Variants in CPNE8 observed in about 807,000 individuals in gnomAD.
CPNE8 encodes the protein copine 8, also known as copine-8.
CPNE8 carries 45 observed loss-of-function variants against 81.5 expected under a neutral mutation model. That is an observed-to-expected ratio of 0.55 (90% CI 0.44 to 0.71). CPNE8 has a LOEUF of 0.71. Among genes scored for constraint, CPNE8 ranks in the 30% least tolerant of loss-of-function variants. The pLI is 0.00. For missense variants in CPNE8, 594 were observed against 672.1 expected (o/e 0.88, Z 1.28); for synonymous variants, 252 against 226.3 (o/e 1.11, Z -1.02).
chr12:38,865,815 C>T (rs2137090274), intron 3 of CPNE8, among the ~76,000 whole-genome samples: 1 of 152,252 alleles, frequency 6.6e-6, no homozygotes, highest in South Asian at 2.1e-4. Flanking sequence ...TCTGGATTTG[C>T]TTTTCAGCTA....
chr12:38,862,884 G>A (rs1353217116), intron 3 of CPNE8, among the ~76,000 whole-genome samples: 2 of 152,144 alleles, frequency 1.3e-5, no homozygotes, highest in East Asian at 1.9e-4. Context: ...AGGAGATGGA[G>A]GCTGCAGTGA....
intron 6 of CPNE8, among the ~76,000 whole-genome samples, chr12:38,789,586 T>C (rs915444154): frequency 6.6e-6 from 1 of 151,418 alleles, no homozygotes; most frequent in African/African-American, 2.4e-5. Context: ...AAAGAAAAAA[T>C]GGACAAATCA....
At chr12:38,670,929 T>A in intron 18 of CPNE8, 127 bp from the exon 19 acceptor site, 1 of 583,712 alleles carries the variant, frequency 1.7e-6, no homozygotes, top group Non-Finnish European at 3.0e-6. Flanking sequence ...AGCATGTTGA[T>A]CCCTTCATGT....
intron 10 of CPNE8, among the ~76,000 whole-genome samples, chr12:38,744,299 T>C (rs924299530): frequency 6.6e-6 from 1 of 152,198 alleles, no homozygotes; most frequent in African/African-American, 2.4e-5. Context: ...CGAATTCCAG[T>C]ATTGTCTGGA....
intron 11 of CPNE8, 66 bp from the exon 12 acceptor site, chr12:38,724,965 TA>T (rs1940660257): frequency 7.4e-7 from 1 of 1,348,414 alleles, no homozygotes; most frequent in South Asian, 1.3e-5. Context: ...ATTGAATTTT[TA>T]AAAATGTGAA....
At chr12:38,894,299 A>G (rs575877428) in intron 1 of CPNE8, among the ~76,000 whole-genome samples, 1 of 152,324 alleles carries the variant, frequency 6.6e-6, no homozygotes, top group East Asian at 1.9e-4. Flanking sequence ...AAGTTAAAAA[A>G]TCAATCATCT....
At chr12:38,682,658 G>T (rs767020998) in intron 16 of CPNE8, among the ~76,000 whole-genome samples, 23 of 152,186 alleles carry the variant, frequency 1.5e-4, no homozygotes, top group Non-Finnish European at 2.6e-4. Context: ...ATATGTGCAT[G>T]TATATGAATG....
chr12:38,803,608 T>G (rs1942742255), intron 6 of CPNE8, among the ~76,000 whole-genome samples: 1 of 143,108 alleles, frequency 7.0e-6, no homozygotes, highest in Non-Finnish European at 1.5e-5. Flanking sequence ...AAGACAGGGA[T>G]GCCCTCTCTC....
In CPNE8 at chr12:38,905,431, C is replaced by A; in HGVS notation, c.98+6G>T. The A allele has an allele frequency of 6.4e-7, 1 of 1,557,940 alleles. No individual in the cohort carries two copies. Among genetic ancestry groups the A allele is most frequent in the Non-Finnish European group, 8.7e-7 (1 of 1,151,368 alleles). ...GCAGGAGAGAGGGGAAGGGCTGCGT[C>A]CTCACCTGCAGGACACGGACACCTC... On this transcript the variant is annotated splice_donor_region_variant and intron_variant, in intron 1 of 19. Coordinates refer to ENST00000331366, the MANE Select transcript of CPNE8 (RefSeq NM_153634.3).
intron 3 of CPNE8, among the ~76,000 whole-genome samples, chr12:38,868,105 C>T (rs1565655075): frequency 6.6e-6 from 1 of 151,864 alleles, no homozygotes; most frequent in African/African-American, 2.4e-5. Context: ...CATGCTTTTC[C>T]AAAATATACC....
At chr12:38,803,636 T>C (rs549166560) in intron 6 of CPNE8, among the ~76,000 whole-genome samples, 39,603 of 143,928 alleles carry the variant, frequency 0.28, 7,161 homozygotes, top group Non-Finnish European at 0.4. Flanking sequence ...CTATTCAACA[T>C]AGTGTTGGAA....
At chr12:38,820,085 TC>T (rs1943089531) in intron 6 of CPNE8, among the ~76,000 whole-genome samples, 1 of 151,934 alleles carries the variant, frequency 6.6e-6, no homozygotes, top group Non-Finnish European at 1.5e-5. Context: ...TCTAAACACT[TC>T]CTATACAAAA....
At position 38,693,843 on chromosome 12, in the gene CPNE8, T is replaced by C. The variant is rs773014751; in HGVS notation, c.962-5A>G. On this transcript the variant is annotated splice_polypyrimidine_tract_variant and splice_region_variant and intron_variant, in intron 14 of 19. Coordinates refer to ENST00000331366, the MANE Select transcript of CPNE8 (RefSeq NM_153634.3). ...AAGTGGGCTGAGCAGGGTTGCCTGA[T>C]GACAGAACACATATTTCAAACATAA... 8.2e-6 allele frequency: 13 copies of C among 1,580,372 alleles called. No homozygotes were observed. Among genetic ancestry groups the C allele is most frequent in the South Asian group, 2.3e-5 (2 of 85,202 alleles).
At chr12:38,706,940 A>C (rs1272960444) in intron 13 of CPNE8, among the ~76,000 whole-genome samples, 2 of 152,196 alleles carry the variant, frequency 1.3e-5, no homozygotes, top group African/African-American at 4.8e-5. Context: ...CGTCCTCTCA[A>C]AGACAAAGTT....
chr12:38,875,028 C>T (rs1302170764), intron 1 of CPNE8, among the ~76,000 whole-genome samples: 2 of 152,046 alleles, frequency 1.3e-5, no homozygotes, highest in African/African-American at 4.8e-5. Context: ...ATTACGGTTT[C>T]GGAATTTAAG....
In CPNE8 at chr12:38,868,940, G is replaced by C. The variant is rs570624303; in HGVS notation, c.186+4064C>G. 7.9e-5 allele frequency among the ~76,000 whole-genome samples: 12 copies of C among 152,188 alleles called. No individual in the cohort carries two copies. In the South Asian group the frequency reaches 2.1e-3, roughly 26 times the overall value. ...TGGCTTTCCAATGGTTTGAAATGTA[G>C]ATAAAAAAGCAATTTTCCACTGGAG... On this transcript the variant is annotated intron_variant, in intron 3 of 19. Transcript: ENST00000331366.
chr12:38,886,981 AAGG>A (rs1195687265), intron 1 of CPNE8, among the ~76,000 whole-genome samples: 1 of 152,156 alleles, frequency 6.6e-6, no homozygotes, highest in African/African-American at 2.4e-5. Context: ...AGTCTTTGGT[AAGG>A]AGGACTTCTG....
upstream of CPNE8, chr12:38,906,241 T>C (rs1944569996): frequency 1.0e-6 from 1 of 985,362 alleles, no homozygotes; most frequent in Non-Finnish European, 1.2e-6. Context: ...TGTCGGCCAC[T>C]TGAGAGTTGG....
intron 6 of CPNE8, among the ~76,000 whole-genome samples, chr12:38,808,225 T>C (rs71463382): frequency 1.3e-5 from 2 of 152,036 alleles, no homozygotes; most frequent in African/African-American, 4.8e-5. Context: ...ACTAGAAATA[T>C]CATTTGACCC....
Sources: allele counts gnomAD v4.1 joint callset (sites outside exome capture counted in the v4.1 genomes callset), GRCh38; gene constraint gnomAD v4.1.1; transcripts MANE v1.5; gene names NCBI Gene and HGNC (gene_info 2026-07-23, HGNC 2026-07-21).